The following LMTK3 variants were observed in gnomAD, a reference collection of about 807,000 sequenced individuals.
The protein encoded by LMTK3 is lemur tail kinase 3.
A neutral mutation model predicts 116.7 loss-of-function variants in LMTK3; 27 were observed. That is an observed-to-expected ratio of 0.23 (90% CI 0.17 to 0.32). LMTK3 has a LOEUF of 0.32. Among genes scored for constraint, LMTK3 ranks in the 10% least tolerant of loss-of-function variants. The pLI is 1.00. For missense variants in LMTK3, 1,764 were observed against 2,068.5 expected (o/e 0.85, Z 2.86); for synonymous variants, 965 against 971.0 (o/e 0.99, Z 0.11).
intron 6 of LMTK3, 116 bp downstream of exon 6, chr19:48,502,793 C>T: frequency 1.1e-6 from 1 of 894,232 alleles, no homozygotes; most frequent in Non-Finnish European, 1.8e-6. Context: ...TTAGCGCATG[C>T]CACACATCAT....
Position 48,493,682 on chromosome 19 carries a change from C to T in LMTK3, c.4092+12G>A. 1 of 1,559,576 alleles carries T rather than the reference C, an allele frequency of 6.4e-7. No individual in the cohort carries two copies. The highest frequency in any genetic ancestry group is 8.7e-7 in the Non-Finnish European group (1 of 1,153,514). On this transcript the variant is annotated intron_variant, in intron 12 of 14. Transcript: ENST00000600059. ...CCGCGACCCCGAAACCGCGCCCTCT[C>T]GGGTTCCGCACCTGGTCGAAGAGGT...
At chr19:48,509,773 T>C (rs1027903080) in intron 3 of LMTK3, among the ~76,000 whole-genome samples, 1 of 152,148 alleles carries the variant, frequency 6.6e-6, no homozygotes, top group African/African-American at 2.4e-5. Flanking sequence ...GACTGTGCTC[T>C]ATGGTAATCT....
intron 11 of LMTK3, among the ~76,000 whole-genome samples, chr19:48,496,798 C>G (rs1161712715): frequency 2.6e-5 from 4 of 152,238 alleles, no homozygotes. Flanking sequence ...GGCCCTTGAG[C>G]CATCCACAGA....
chr19:48,490,459 G>C (rs971493202), intron 14 of LMTK3, among the ~76,000 whole-genome samples: 4 of 148,360 alleles, frequency 2.7e-5, no homozygotes, highest in African/African-American at 1.0e-4. Flanking sequence ...CCAGGAGGCA[G>C]AGGTTGCACT....
chr19:48,503,539 T>C (rs986300844), intron 5 of LMTK3, among the ~76,000 whole-genome samples: 1 of 151,936 alleles, frequency 6.6e-6, no homozygotes, highest in African/African-American at 2.4e-5. Context: ...CCCCAGACTC[T>C]TCTCAGTCTT....
rs778634819 is a variant in LMTK3 at position 48,497,940 on chromosome 19, G to A, written c.3129C>T (p.Ile1043=). 3 of 1,549,846 alleles carry A rather than the reference G, an allele frequency of 1.9e-6. No homozygotes were observed. The highest frequency in any genetic ancestry group is 1.4e-5 in the African/African-American group (1 of 72,190). Reference sequence around the variant, plus strand: ...GAGAGGTCTCTGGGGCTGGCTCCCCGATCGTGGGGGCTGGACCCCAACTCT... The same window carrying A: ...GAGAGGTCTCTGGGGCTGGCTCCCCAATCGTGGGGGCTGGACCCCAACTCT... ...TPESWGPAPT[I]GEPAPETSLE... The change falls in exon 11 of 15, where the codon ATC becomes ATT. Residue 1043 remains isoleucine, a synonymous_variant. Transcript: ENST00000600059. This position sits in a 1 kb window ranked among gnomAD's most constrained non-coding sequence, Gnocchi z 5.7.
At chr19:48,508,470 C>A (rs182551301) in intron 5 of LMTK3, among the ~76,000 whole-genome samples, 2 of 152,216 alleles carry the variant, frequency 1.3e-5, no homozygotes, top group African/African-American at 4.8e-5. Flanking sequence ...GCTCAGGGAC[C>A]TAGTCTGTGG....
chr19:48,489,990 C>CGT (rs916444855), intron 14 of LMTK3, among the ~76,000 whole-genome samples: 8 of 150,598 alleles, frequency 5.3e-5, no homozygotes, highest in Non-Finnish European at 7.4e-5. Context: ...GGGACCTGCC[C>CGT]GTGTGCCCTG....
chr19:48,511,422 C>T (rs1972657511), intron 1 of LMTK3, 79 bp downstream of exon 1: 1 of 564,386 alleles, frequency 1.8e-6, no homozygotes, highest in Non-Finnish European at 2.7e-6. Context: ...GCAGGACCCG[C>T]AGACAGACCC....
intron 5 of LMTK3, among the ~76,000 whole-genome samples, chr19:48,503,408 A>G (rs1972506772): frequency 2.0e-5 from 3 of 146,522 alleles, no homozygotes; most frequent in Admixed American, 1.3e-4. Context: ...ACCACACCCC[A>G]CTCCTTCCCC....
At chr19:48,506,612 T>C (rs1164880809) in intron 5 of LMTK3, among the ~76,000 whole-genome samples, 1 of 152,216 alleles carries the variant, frequency 6.6e-6, no homozygotes, top group Admixed American at 6.5e-5. Context: ...GTTTATGCTG[T>C]GTGTCCTCAG....
rs969402142 is a variant in LMTK3, at chr19:48,494,406, C to T, written c.3677-297G>A. Reference sequence around the variant, plus strand: ...TGGCCTCTGTCCCCACCTCCTCTGGCCTGACCTCCATCTAGCCACATGGGC... The same window carrying T: ...TGGCCTCTGTCCCCACCTCCTCTGGTCTGACCTCCATCTAGCCACATGGGC... On this transcript the variant is annotated intron_variant, in intron 11 of 14. Coordinates refer to ENST00000600059, the MANE Select transcript of LMTK3 (RefSeq NM_001388485.1). The surrounding 1 kb of genome is among the most constrained non-coding windows in gnomAD (Gnocchi z 4.0). 4.6e-5 allele frequency among the ~76,000 whole-genome samples: 7 copies of T among 152,248 alleles called. No individual in the cohort carries two copies. The highest frequency in any genetic ancestry group is 1.7e-4 in the African/African-American group (7 of 41,464).
chr19:48,500,489 G>A lies in LMTK3; in HGVS notation c.1151+507C>T, dbSNP rs1972443748. ...GAGGGACAGAGACCCAGAGAGAGGG[G>A]GACAGAGACCTAGAGAGAGAGGGAA... On this transcript the variant is annotated intron_variant, in intron 10 of 14. Transcript: ENST00000600059. This position sits in a 1 kb window ranked among gnomAD's most constrained non-coding sequence, Gnocchi z 4.0. Among the ~76,000 whole-genome samples the A allele has an allele frequency of 6.6e-6, 1 of 152,060 alleles. No homozygotes were observed. The highest frequency in any genetic ancestry group is 1.5e-5 in the Non-Finnish European group (1 of 67,942).
At chr19:48,502,397 T>C (rs1032660876) in intron 7 of LMTK3, 36 bp downstream of exon 7, 10 of 1,539,254 alleles carry the variant, frequency 6.5e-6, no homozygotes, top group Non-Finnish European at 8.8e-6. Context: ...CCCCTTCCCC[T>C]TAGTAGCTCC....
At position 48,491,749 on chromosome 19, in the gene LMTK3, G is replaced by T. The variant is rs1972231200; in HGVS notation, c.4093-210C>A. On this transcript the variant is annotated intron_variant, in intron 12 of 14. Coordinates refer to ENST00000600059, the MANE Select transcript of LMTK3 (RefSeq NM_001388485.1). The surrounding 1 kb of genome is among the most constrained non-coding windows in gnomAD (Gnocchi z 5.1). Reference sequence around the variant, plus strand: ...AGCCTTAACCTCAACCTGGCCAGAGGCTCCTTTCCTGACAGCGGAGCCCCG... The same window carrying T: ...AGCCTTAACCTCAACCTGGCCAGAGTCTCCTTTCCTGACAGCGGAGCCCCG... 6.6e-6 allele frequency among the ~76,000 whole-genome samples: 1 copy of T among 152,210 alleles called. No individual in the cohort carries two copies. The highest frequency in any genetic ancestry group is 1.5e-5 in the Non-Finnish European group (1 of 68,046).
intron 14 of LMTK3, among the ~76,000 whole-genome samples, chr19:48,489,425 T>G (rs1415875710): frequency 5.9e-5 from 9 of 152,028 alleles, no homozygotes; most frequent in Non-Finnish European, 1.0e-4. Flanking sequence ...ATACAAAAGT[T>G]AGCCAGGTGT....
upstream of LMTK3, chr19:48,513,330 T>A (rs554273772): frequency 5.8e-6 from 4 of 690,154 alleles, no homozygotes; most frequent in South Asian, 1.7e-5. The surrounding 1 kb of genome is among the most constrained non-coding windows in gnomAD (Gnocchi z 5.6). Context: ...AGGTATTTTT[T>A]AATCATGCCC....
At chr19:48,486,109 G>C (rs1300033204) in intron 14 of LMTK3, among the ~76,000 whole-genome samples, 3 of 130,140 alleles carry the variant, frequency 2.3e-5, no homozygotes, top group Non-Finnish European at 3.1e-5. Flanking sequence ...GCCCAGGCTG[G>C]AGTGCAGTGG....
rs766935486 is a variant in LMTK3, at chr19:48,497,242, G to A, written c.3676+151C>T. On this transcript the variant is annotated intron_variant, in intron 11 of 14. Transcript: ENST00000600059. This position sits in a 1 kb window ranked among gnomAD's most constrained non-coding sequence, Gnocchi z 5.7. ...CCAAGGCCAAAGAGCTAGAGAGGGG[G>A]CTGAGCCACGATGTGAGCCCAGGTG... The A allele has an allele frequency of 3.5e-5, 29 of 838,834 alleles. No homozygotes were observed. Among genetic ancestry groups the A allele is most frequent in the Non-Finnish European group, 4.6e-5 (28 of 614,710 alleles). The allele number at this position is 838,834 out of a possible 1,614,324, so 52.0% of individuals were successfully genotyped here.
Sources: allele counts gnomAD v4.1 joint callset (sites outside exome capture counted in the v4.1 genomes callset), GRCh38; gene constraint gnomAD v4.1.1; non-coding constraint Gnocchi (gnomAD v3.1); transcripts MANE v1.5; gene names NCBI Gene and HGNC (gene_info 2026-07-23, HGNC 2026-07-21).